GYPE: variants seen among roughly 807,000 people sequenced by gnomAD.
GYPE encodes glycophorin-E.
A neutral mutation model predicts 11.6 loss-of-function variants in GYPE; 8 were observed. The ratio of observed to expected loss-of-function variants is 0.69; its 90% CI spans 0.41 to 1.25. The LOEUF (loss-of-function observed/expected upper bound fraction) is 1.25, where lower values mean the gene tolerates loss of function less well. Among genes scored for constraint, GYPE ranks in the 50% most tolerant of loss-of-function variants. The pLI is 0.01. For synonymous variants in GYPE, 28 were observed against 29.6 expected (o/e 0.94, Z 0.18); for missense variants, 90 against 92.8 (o/e 0.97, Z 0.12).
intron 1 of GYPE, among the ~76,000 whole-genome samples, chr4:143,892,889 T>G (rs1744467879): frequency 6.6e-6 from 1 of 150,992 alleles, no homozygotes; most frequent in Admixed American, 6.6e-5. Flanking sequence ...CTCATTGATC[T>G]GTCTAATGTT....
chr4:143,872,490 C>T (rs1479428712), intron 3 of GYPE, among the ~76,000 whole-genome samples: 3 of 151,710 alleles, frequency 2.0e-5, no homozygotes, highest in African/African-American at 7.3e-5. Context: ...AGAGGCTAGT[C>T]CTGGGAGCTG....
rs1159801516 is a variant in GYPE, at chr4:143,878,528, C to T, written c.137-1673G>A. 1.0e-5 allele frequency: 4 copies of T among 396,162 alleles called. No homozygotes were observed. In the East Asian group the frequency reaches 2.9e-4, roughly 29 times the overall value. The allele number at this position is 396,162 out of a possible 1,614,324, so 24.5% of individuals were successfully genotyped here. On this transcript the variant is annotated intron_variant, in intron 2 of 3. Transcript: ENST00000358615. ...TACAATTTTGTGTGAATAAAGTTAA[C>T]AACATATGCTCTTCTGTTTTAAGAT...
intron 1 of GYPE, among the ~76,000 whole-genome samples, chr4:143,902,888 T>C (rs1260525142): frequency 6.6e-6 from 1 of 152,128 alleles, no homozygotes; most frequent in Non-Finnish European, 1.5e-5. Flanking sequence ...CATAATTTCC[T>C]AGTTGAAGTG....
intron 1 of GYPE, among the ~76,000 whole-genome samples, chr4:143,901,416 A>C (rs1449558420): frequency 6.1e-5 from 1 of 16,402 alleles, no homozygotes; most frequent in Admixed American, 1.3e-3. Flanking sequence ...AAAGTATTTA[A>C]AATGAGAAAA....
Position 143,880,342 on chromosome 4 carries a change from C to T in GYPE, c.136+69G>A, listed in dbSNP as rs1743974430. The T allele has an allele frequency of 4.3e-6, 7 of 1,610,902 alleles. No individual in the cohort carries two copies. The South Asian group carries it at 7.7e-5, about 18-fold the overall frequency. ...GTCAGTTTCTCTGCAGTGACAGGTC[C>T]CCTAAAATAGGGTTGCATCACAAAA... On this transcript the variant is annotated intron_variant, in intron 2 of 3. Transcript: ENST00000358615.
At chr4:143,879,019 G>T (rs1743919158) in intron 2 of GYPE, among the ~76,000 whole-genome samples, 2 of 152,258 alleles carry the variant, frequency 1.3e-5, no homozygotes, top group South Asian at 4.1e-4. Flanking sequence ...ATAATGAGAA[G>T]AAAGGAGGCA....
At chr4:143,890,789 T>A (rs1235117223) in intron 1 of GYPE, among the ~76,000 whole-genome samples, 1 of 152,060 alleles carries the variant, frequency 6.6e-6, no homozygotes, top group Non-Finnish European at 1.5e-5. Context: ...TAAATGTTGG[T>A]GTTTCTTAGG....
chr4:143,880,347 A>G, intron 2 of GYPE, 64 bp downstream of exon 2: 1 of 1,612,032 alleles, frequency 6.2e-7, no homozygotes, highest in Non-Finnish European at 8.5e-7. Flanking sequence ...AGGTCCCCTA[A>G]AATAGGGTTG....
intron 1 of GYPE, among the ~76,000 whole-genome samples, chr4:143,881,446 A>T (rs1449188867): frequency 1.3e-5 from 2 of 152,142 alleles, no homozygotes; most frequent in South Asian, 2.1e-4. Context: ...TATAAAATTC[A>T]TCTACAGTCA....
intron 1 of GYPE, among the ~76,000 whole-genome samples, chr4:143,894,183 GTATTGGT>G: frequency 6.6e-6 from 1 of 151,518 alleles, no homozygotes; most frequent in East Asian, 2.0e-4. Context: ...GCACTTCTCT[GTATTGGT>G]TATTCTAGTT....
chr4:143,876,793 C>G lies in GYPE; in HGVS notation c.199G>C (p.Val67Leu). 1 of 1,609,974 alleles carries G rather than the reference C, an allele frequency of 6.2e-7. No homozygotes were observed. Among genetic ancestry groups the G allele is most frequent in the Non-Finnish European group, 8.5e-7 (1 of 1,176,908 alleles). Residue 67 changes from valine to leucine, a missense_variant, in exon 3 of 4, where the codon GTT (valine) becomes CTT (leucine). Val to Leu is a conservative substitution (Grantham distance 32). Transcript: ENST00000358615. ...RVIFEVMLVV[V>L]GMIILISYCI... ...TAAGAAATTAAGATGATCATTCCAA[C>G]AACAACAAGCATCACCTCAAAAATA...
chr4:143,887,488 T>G (rs1482715686), intron 1 of GYPE, among the ~76,000 whole-genome samples: 2 of 123,040 alleles, frequency 1.6e-5, no homozygotes, highest in Admixed American at 9.0e-5. Context: ...TTTTCTTAGC[T>G]GCATGGGCCT....
intron 1 of GYPE, among the ~76,000 whole-genome samples, chr4:143,881,400 G>T (rs1454294330): frequency 6.6e-6 from 1 of 151,944 alleles, no homozygotes; most frequent in Non-Finnish European, 1.5e-5. Context: ...ATTCAATAAA[G>T]AAAATTTGGG....
rs914204550 is a variant in GYPE at position 143,895,731 on chromosome 4, G to T, written c.37+9740C>A. On this transcript the variant is annotated intron_variant, in intron 1 of 3. Coordinates refer to ENST00000358615, the MANE Select transcript of GYPE (RefSeq NM_198682.3). ...CTAAGCCAAAAGAACAAAGCTGGAG[G>T]CATCACGCTACCTGGCTTCAAACTA... Among the ~76,000 whole-genome samples the T allele has an allele frequency of 5.8e-3, 859 of 147,636 alleles. 14 individuals are homozygous for T. The highest frequency in any genetic ancestry group is 0.02 in the African/African-American group (823 of 40,264).
chr4:143,878,159 G>C (rs375071958), intron 2 of GYPE, among the ~76,000 whole-genome samples: 1 of 151,940 alleles, frequency 6.6e-6, no homozygotes, highest in East Asian at 1.9e-4. Context: ...TTTGAGACAT[G>C]GTCTTACCAA....
At chr4:143,875,528 A>T in intron 3 of GYPE, 1 of 1,550,936 alleles carries the variant, frequency 6.4e-7, no homozygotes, top group Non-Finnish European at 8.7e-7. Flanking sequence ...AAAAGACAGA[A>T]GTTTCCACTT....
chr4:143,874,026 A>T (rs1743702095), intron 3 of GYPE, among the ~76,000 whole-genome samples: 1 of 152,118 alleles, frequency 6.6e-6, no homozygotes, highest in African/African-American at 2.4e-5. Flanking sequence ...AATTATAAGT[A>T]AAACCCCATG....
chr4:143,891,183 C>T (rs1744388049), intron 1 of GYPE, among the ~76,000 whole-genome samples: 1 of 151,476 alleles, frequency 6.6e-6, no homozygotes, highest in Admixed American at 6.6e-5. Context: ...AACTCTGTCA[C>T]TGTGCAAAAG....
intron 1 of GYPE, among the ~76,000 whole-genome samples, chr4:143,895,113 T>C (rs1408838098): frequency 6.6e-6 from 1 of 152,122 alleles, no homozygotes. Flanking sequence ...GGATGCCCTC[T>C]CTCACCACTC....
Sources: allele counts gnomAD v4.1 joint callset (sites outside exome capture counted in the v4.1 genomes callset), GRCh38; gene constraint gnomAD v4.1.1; transcripts MANE v1.5; gene names NCBI Gene and HGNC (gene_info 2026-07-23, HGNC 2026-07-21).